Variants in NNT observed in about 807,000 individuals in gnomAD.
The protein encoded by NNT is NAD(P) transhydrogenase, mitochondrial.
In NNT, 50 loss-of-function variants were observed where a neutral mutation model predicts 104.8. That is an observed-to-expected ratio of 0.48 (90% CI 0.38 to 0.60). The LOEUF (loss-of-function observed/expected upper bound fraction) is 0.60. Ranked by LOEUF, NNT falls within the 20% of genes least tolerant of loss-of-function variation. NNT has a pLI of 0.00. For synonymous variants in NNT, 461 were observed against 490.4 expected (o/e 0.94, Z 0.79); for missense variants, 1,131 against 1,330.7 (o/e 0.85, Z 2.33).
chr5:43,688,558 C>G (rs1742101838), intron 19 of NNT, among the ~76,000 whole-genome samples: 1 of 151,924 alleles, frequency 6.6e-6, no homozygotes, highest in Non-Finnish European at 1.5e-5. Flanking sequence ...TTATCCCTTG[C>G]CACCCCCACC....
At chr5:43,692,322 T>C (rs1249773043) in intron 19 of NNT, among the ~76,000 whole-genome samples, 1 of 151,640 alleles carries the variant, frequency 6.6e-6, no homozygotes, top group African/African-American at 2.4e-5. Context: ...CATGTGCTGA[T>C]TTTTTTTTCT....
intron 19 of NNT, among the ~76,000 whole-genome samples, chr5:43,692,826 C>T (rs990815653): frequency 3.3e-5 from 5 of 152,140 alleles, no homozygotes; most frequent in African/African-American, 1.2e-4. Context: ...GTTATAATCT[C>T]TTACTATCCT....
intron 19 of NNT, among the ~76,000 whole-genome samples, chr5:43,684,316 A>G (rs1580111724): frequency 6.6e-6 from 1 of 152,142 alleles, no homozygotes; most frequent in East Asian, 1.9e-4. Flanking sequence ...CAAAAAAAGA[A>G]AAGTACAAAG....
At chr5:43,661,173 T>G (rs1445534285) in intron 17 of NNT, among the ~76,000 whole-genome samples, 1 of 152,180 alleles carries the variant, frequency 6.6e-6, no homozygotes, top group Non-Finnish European at 1.5e-5. Context: ...GGTGAAGGTT[T>G]ATGTATCCTA....
intron 17 of NNT, 43 bp from the exon 18 acceptor site, chr5:43,675,467 GT>G (rs1484549739): frequency 6.4e-7 from 1 of 1,556,222 alleles, no homozygotes. Context: ...TTCTCACAAA[GT>G]TATGTGTGTT....
intron 18 of NNT, among the ~76,000 whole-genome samples, 193 bp downstream of exon 18, chr5:43,675,863 A>T (rs555786540): frequency 1.4e-4 from 22 of 152,196 alleles, no homozygotes; most frequent in Non-Finnish European, 2.8e-4. Context: ...TGGAGATCAC[A>T]TGGAAATTCT....
At chr5:43,675,446 C>A in intron 17 of NNT, 65 bp from the exon 18 acceptor site, 2 of 1,395,406 alleles carry the variant, frequency 1.4e-6, no homozygotes, top group Non-Finnish European at 2.0e-6. Flanking sequence ...ATATACACAA[C>A]ATTTGTACTA....
At chr5:43,665,620 C>T (rs200630747) in intron 17 of NNT, among the ~76,000 whole-genome samples, 1 of 152,204 alleles carries the variant, frequency 6.6e-6, no homozygotes, top group Non-Finnish European at 1.5e-5. Flanking sequence ...ATGGAGTCTC[C>T]TATGTCTACT....
intron 17 of NNT, among the ~76,000 whole-genome samples, chr5:43,669,178 G>C (rs1001902381): frequency 1.3e-5 from 2 of 151,978 alleles, no homozygotes; most frequent in Non-Finnish European, 2.9e-5. Context: ...AGGAGATTTT[G>C]GGCTGAGACA....
intron 13 of NNT, among the ~76,000 whole-genome samples, chr5:43,652,807 T>C (rs1407431494): frequency 6.6e-6 from 1 of 152,206 alleles, no homozygotes; most frequent in Non-Finnish European, 1.5e-5. Flanking sequence ...TTAGATCCAG[T>C]AATGACTCCA....
intron 10 of NNT, chr5:43,647,810 A>G: frequency 2.4e-6 from 1 of 420,470 alleles, no homozygotes; most frequent in Non-Finnish European, 4.8e-6. Flanking sequence ...TGTGGTCATG[A>G]TAATAGCTAG....
At chr5:43,626,025 A>G (rs1429352801) in intron 6 of NNT, among the ~76,000 whole-genome samples, 1 of 152,104 alleles carries the variant, frequency 6.6e-6, no homozygotes, top group Non-Finnish European at 1.5e-5. Context: ...AAGTACAGCA[A>G]TTTATTTAAC....
Position 43,667,110 on chromosome 5 carries a change from C to T in NNT, c.2634+7760C>T. Reference sequence around the variant, plus strand: ...TGTGCTTCTTGGCAAAGTGCATGTTCCTCAGGAACTTGGGGTCCACCCCCT... The same window carrying T: ...TGTGCTTCTTGGCAAAGTGCATGTTTCTCAGGAACTTGGGGTCCACCCCCT... On this transcript the variant is annotated intron_variant, in intron 17 of 21. Coordinates refer to ENST00000344920, the MANE Select transcript of NNT (RefSeq NM_182977.3). 3.3e-6 allele frequency: 5 copies of T among 1,537,716 alleles called. No individual in the cohort carries two copies. In the East Asian group the frequency reaches 6.7e-5, roughly 21 times the overall value.
chr5:43,629,082 C>G (rs1750532220), intron 7 of NNT, among the ~76,000 whole-genome samples: 2 of 152,014 alleles, frequency 1.3e-5, no homozygotes, highest in Non-Finnish European at 2.9e-5. Flanking sequence ...GTGGTGATTT[C>G]TGAGATTTTG....
intron 16 of NNT, among the ~76,000 whole-genome samples, chr5:43,658,007 C>A (rs765252834): frequency 6.6e-6 from 1 of 151,916 alleles, no homozygotes. Flanking sequence ...TGGTAGTCTG[C>A]GCCTGTATTC....
chr5:43,660,309 T>C lies in NNT; in HGVS notation c.2634+959T>C, dbSNP rs979650432. ...AGAAGTTTTGTGGTCAGCATGATGG[T>C]TTTTTAAAAGAACAGAAAAAAGTAA... is the stretch of plus-strand genomic sequence containing the variant. On this transcript the variant is annotated intron_variant, in intron 17 of 21. Transcript: ENST00000344920. Among the ~76,000 whole-genome samples, 6 of 149,970 alleles carry C rather than the reference T, an allele frequency of 4.0e-5. No individual in the cohort carries two copies. The East Asian group carries it at 1.2e-3, about 29-fold the overall frequency.
chr5:43,616,178 C>T (rs1749776825), intron 4 of NNT, 113 bp downstream of exon 4: 9 of 902,972 alleles, frequency 1.0e-5, no homozygotes, highest in Non-Finnish European at 1.5e-5. Context: ...TTGGAGATTA[C>T]AGCCTTTTGA....
chr5:43,667,112 T>C, intron 17 of NNT: 3 of 1,535,100 alleles, frequency 2.0e-6, no homozygotes, highest in Non-Finnish European at 2.7e-6. Context: ...TGCATGTTCC[T>C]CAGGAACTTG....
intron 19 of NNT, among the ~76,000 whole-genome samples, chr5:43,689,426 G>C (rs1047940895): frequency 2.0e-5 from 3 of 152,126 alleles, no homozygotes; most frequent in African/African-American, 7.2e-5. Context: ...CTTTGTTTTT[G>C]TTGCATTTGC....
Sources: gnomAD v4.1 joint callset for allele counts (sites outside exome capture counted in the v4.1 genomes callset) on GRCh38, gnomAD v4.1.1 for gene constraint, MANE v1.5 for transcripts, NCBI Gene and HGNC (gene_info 2026-07-23, HGNC 2026-07-21) for gene names.